The following ROPN1 variants were observed in gnomAD, a reference collection of about 807,000 sequenced individuals.
ROPN1 encodes rhophilin associated tail protein 1, also known as ropporin-1A.
Under a neutral mutation model 20.5 loss-of-function variants are expected in ROPN1, and 14 were observed. The observed-to-expected ratio is 0.68, with a 90% CI of 0.45 to 1.07. The LOEUF (loss-of-function observed/expected upper bound fraction) is 1.07. Ranked by LOEUF, ROPN1 falls within the 50% of genes least tolerant of loss-of-function variation. The pLI is 0.00. For missense variants in ROPN1, 169 were observed against 242.8 expected, an observed-to-expected ratio of 0.70 and a Z score of 2.02; for synonymous variants, 76 against 95.7, an observed-to-expected ratio of 0.79 and a Z score of 1.20.
intron 2 of ROPN1, among the ~76,000 whole-genome samples, chr3:123,978,214 G>GT (rs1339056333): frequency 7.9e-5 from 12 of 152,114 alleles, no homozygotes; most frequent in African/African-American, 2.9e-4. Context: ...CAGCAGGAAG[G>GT]GCACCTTTAA....
intron 4 of ROPN1, among the ~76,000 whole-genome samples, chr3:123,970,670 G>C (rs1409910754): frequency 1.3e-5 from 2 of 152,166 alleles, no homozygotes; most frequent in Non-Finnish European, 2.9e-5. Flanking sequence ...AAGAAGGTAG[G>C]AGAAGGGTAA....
intron 1 of ROPN1, among the ~76,000 whole-genome samples, chr3:123,988,395 T>C (rs2038318466): frequency 6.6e-6 from 1 of 152,190 alleles, no homozygotes; most frequent in South Asian, 2.1e-4. Flanking sequence ...GAAGTTGTCC[T>C]TCCTACTTCT....
At chr3:123,973,679 C>G (rs1451098496) in intron 4 of ROPN1, among the ~76,000 whole-genome samples, 1 of 152,138 alleles carries the variant, frequency 6.6e-6, no homozygotes, top group South Asian at 2.1e-4. Flanking sequence ...AAGGGAAGAA[C>G]TCAGACACAC....
At chr3:123,971,511 CT>C (rs1405505389) in intron 4 of ROPN1, among the ~76,000 whole-genome samples, 1 of 152,120 alleles carries the variant, frequency 6.6e-6, no homozygotes, top group Non-Finnish European at 1.5e-5. Context: ...TCCTCTGCCC[CT>C]GGGGGTCCTC....
chr3:123,974,922 T>G (rs546482371), intron 4 of ROPN1: 21 of 182,316 alleles, frequency 1.2e-4, no homozygotes, highest in Admixed American at 9.0e-4. Context: ...ATCTCTCTTT[T>G]TTTTTGCTTT....
intron 4 of ROPN1, 25 bp from the exon 5 acceptor site, chr3:123,970,242 A>C (rs773198184): frequency 3.1e-6 from 5 of 1,594,734 alleles, no homozygotes; most frequent in Non-Finnish European, 2.6e-6. Context: ...TAAAATGAGG[A>C]GAAAGTTACT....
At chr3:123,981,135 A>G (rs1375722813) in intron 1 of ROPN1, among the ~76,000 whole-genome samples, 1 of 152,248 alleles carries the variant, frequency 6.6e-6, no homozygotes, top group South Asian at 2.1e-4. Context: ...AGTGTATACA[A>G]TTCCCTCCAC....
At chr3:123,988,740 A>G (rs1317495020) in intron 1 of ROPN1, among the ~76,000 whole-genome samples, 2 of 152,066 alleles carry the variant, frequency 1.3e-5, no homozygotes, top group Non-Finnish European at 2.9e-5. Flanking sequence ...TAATCTGACA[A>G]AATTTATGTG....
At chr3:123,969,939 T>G (rs2037881969) in intron 5 of ROPN1, 103 bp downstream of exon 5, 1 of 1,122,810 alleles carries the variant, frequency 8.9e-7, no homozygotes. Flanking sequence ...TCACAATACT[T>G]TTCTGTTTCC....
chr3:123,978,623 A>G (rs28664167), intron 2 of ROPN1: 34,695 of 153,648 alleles, frequency 0.23, 8,772 homozygotes, highest in East Asian at 0.78. Flanking sequence ...AGGTTTCTTC[A>G]TTGACAACAC....
At chr3:123,978,370 A>T (rs1490023212) in intron 2 of ROPN1, among the ~76,000 whole-genome samples, 2 of 152,180 alleles carry the variant, frequency 1.3e-5, no homozygotes, top group Non-Finnish European at 2.9e-5. Context: ...GACACACAGC[A>T]CCTCATTCCA....
intron 1 of ROPN1, among the ~76,000 whole-genome samples, chr3:123,983,025 G>A (rs2038180114): frequency 6.6e-6 from 1 of 152,174 alleles, no homozygotes; most frequent in Non-Finnish European, 1.5e-5. Context: ...TCATGTGGTA[G>A]CATGTGTCAG....
At chr3:123,985,297 G>A (rs763428675) in intron 1 of ROPN1, among the ~76,000 whole-genome samples, 11 of 152,102 alleles carry the variant, frequency 7.2e-5, no homozygotes, top group Admixed American at 1.3e-4. Context: ...ATCCCTGTAC[G>A]TTGGATTATT....
At chr3:123,979,548 G>T (rs1423186938) in intron 2 of ROPN1, 1 of 389,604 alleles carries the variant, frequency 2.6e-6, no homozygotes, top group Non-Finnish European at 5.0e-6. Context: ...CAATTTCATA[G>T]CTGAGAGGCT....
intron 1 of ROPN1, among the ~76,000 whole-genome samples, chr3:123,984,478 C>G (rs2038210163): frequency 6.6e-6 from 1 of 152,154 alleles, no homozygotes; most frequent in South Asian, 2.1e-4. Flanking sequence ...TATTTCTACT[C>G]CTGTGTCTCT....
chr3:123,978,698 G>C (rs921542112), intron 2 of ROPN1: 1 of 153,148 alleles, frequency 6.5e-6, no homozygotes, highest in African/African-American at 2.4e-5. Flanking sequence ...ACACTTTGCA[G>C]AGTTTTATTC....
chr3:123,976,041 C>A (rs1297750530), intron 3 of ROPN1, among the ~76,000 whole-genome samples: 4 of 152,120 alleles, frequency 2.6e-5, no homozygotes, highest in African/African-American at 9.7e-5. Flanking sequence ...ATGTGGCTGA[C>A]CTGTGGGGAT....
chr3:123,972,072 C>T (rs1434498224), intron 4 of ROPN1, among the ~76,000 whole-genome samples: 1 of 152,184 alleles, frequency 6.6e-6, no homozygotes, highest in African/African-American at 2.4e-5. Flanking sequence ...ATCCTGCTGA[C>T]AGCTTGTTCC....
intron 1 of ROPN1, among the ~76,000 whole-genome samples, chr3:123,986,659 CA>C (rs1389835503): frequency 1.3e-5 from 2 of 152,196 alleles, no homozygotes; most frequent in African/African-American, 4.8e-5. Flanking sequence ...TGGGGGTCAG[CA>C]GGGGTGGACT....
Sources: allele counts gnomAD v4.1 joint callset (sites outside exome capture counted in the v4.1 genomes callset), GRCh38; gene constraint gnomAD v4.1.1; transcripts MANE v1.5; gene names NCBI Gene and HGNC (gene_info 2026-07-23, HGNC 2026-07-21).